HEATR1: variants seen among roughly 807,000 people sequenced by gnomAD.
HEATR1 encodes HEAT repeat-containing protein 1.
A neutral mutation model predicts 248.2 loss-of-function variants in HEATR1; 77 were observed. The ratio of observed to expected loss-of-function variants is 0.31; its 90% confidence interval spans 0.26 to 0.37. The LOEUF is 0.37. Among genes scored for constraint, HEATR1 ranks in the 10% least tolerant of loss-of-function variants. The pLI is 1.00. For synonymous variants in HEATR1, 897 were observed against 923.1 expected (o/e 0.97, Z 0.51); for missense variants, 2,420 against 2,504.9 (o/e 0.97, Z 0.72).
rs1440971975 is a variant in HEATR1 at position 236,587,449 on chromosome 1, A to T, written c.1668T>A (p.Asn556Lys). Residue 556 changes from asparagine (N) to lysine (K), a missense_variant, in exon 14 of 45, where the codon AAT becomes AAA. Physicochemically the swap from Asn to Lys is moderately conservative, Grantham distance 94. Coordinates refer to ENST00000366582, the MANE Select transcript of HEATR1 (RefSeq NM_018072.6). The part of the protein sequence containing the change: ...EHFSSEVTIS[N>K]LLNLFQRAEL... ...CTGCTCTTTGAAAGAGATTCAGAAG[A>T]TTTGAAATCGTCACTTCTGAACTGA... 2 of 1,541,760 alleles carry T rather than the reference A, an allele frequency of 1.3e-6. No homozygotes were observed. Among genetic ancestry groups the T allele is most frequent in the Non-Finnish European group, 1.8e-6 (2 of 1,138,670 alleles).
At chr1:236,563,611 C>T (rs1371735913) in intron 32 of HEATR1, among the ~76,000 whole-genome samples, 1 of 152,186 alleles carries the variant, frequency 6.6e-6, no homozygotes, top group Non-Finnish European at 1.5e-5. Flanking sequence ...TGAATTATTT[C>T]ACTGTGAAAT....
chr1:236,603,885 A>T (rs1374285296), intron 2 of HEATR1, 69 bp downstream of exon 2: 1 of 1,539,160 alleles, frequency 6.5e-7, no homozygotes, highest in African/African-American at 1.4e-5. Flanking sequence ...ACAAGGGGAA[A>T]AAAAAAAAAC....
rs71178327 is a variant in HEATR1, at chr1:236,580,824, A to ATTTTTTTTTTTTTTTT, written c.2755+397_2755+398insAAAAAAAAAAAAAAAA. Among the ~76,000 whole-genome samples the ATTTTTTTTTTTTTTTT allele has an allele frequency of 7.1e-5, 9 of 126,648 alleles. 1 individual carries two copies. Among genetic ancestry groups the ATTTTTTTTTTTTTTTT allele is most frequent in the Non-Finnish European group, 9.6e-5 (6 of 62,786 alleles). The allele number at this position is 126,648 out of a possible 152,430, so 83.1% of individuals were successfully genotyped here. A position where few individuals can be genotyped will look rare whatever the true frequency, so the allele number is the denominator to read the frequency against. ...AAGCCACCTCGCCTGGCCTTTATCG[A>ATTTTTTTTTTTTTTTT]TTTTTTTTTTTTTTGAGATGGAGTC... On this transcript the variant is annotated intron_variant, in intron 20 of 44. Coordinates refer to ENST00000366582, the MANE Select transcript of HEATR1 (RefSeq NM_018072.6).
In HEATR1 at chr1:236,602,947, C is replaced by T. The variant is rs549229238; in HGVS notation, c.359+213G>A. On this transcript the variant is annotated intron_variant, in intron 3 of 44. Transcript: ENST00000366582. ...CAAAAAAAAACTAATGAGGTTAGAC[C>T]ATTTACTCAAAATCACCAGTAGTTC... The T allele has an allele frequency of 8.3e-5, 46 of 553,768 alleles. No homozygotes were observed. In the South Asian group the frequency reaches 9.5e-4, roughly 11 times the overall value. 34.3% of individuals were successfully genotyped at this position (553,768 alleles called of 1,614,324 possible).
At chr1:236,597,409 T>C (rs1664205909) in intron 5 of HEATR1, among the ~76,000 whole-genome samples, 1 of 151,972 alleles carries the variant, frequency 6.6e-6, no homozygotes, top group South Asian at 2.1e-4. Context: ...TGCCCCACCA[T>C]GCCCAGTTTA....
intron 4 of HEATR1, among the ~76,000 whole-genome samples, chr1:236,598,194 A>G (rs1398033589): frequency 6.6e-6 from 1 of 152,232 alleles, no homozygotes; most frequent in African/African-American, 2.4e-5. Context: ...AGAGGTATTT[A>G]GTGAAAGATG....
chr1:236,553,215 T>C (rs1662832738), intron 43 of HEATR1, among the ~76,000 whole-genome samples: 1 of 152,210 alleles, frequency 6.6e-6, no homozygotes, highest in African/African-American at 2.4e-5. Flanking sequence ...ATAGTGTGGA[T>C]AAATTCAATG....
chr1:236,555,458 C>T lies in HEATR1; in HGVS notation c.5761G>A (p.Asp1921Asn), dbSNP rs766238122. Residue 1921 changes from aspartate (D) to asparagine (N), a missense_variant, in exon 41 of 45, where the codon GAT becomes AAT. Coordinates refer to ENST00000366582, the MANE Select transcript of HEATR1 (RefSeq NM_018072.6). ...GGGGCATCTTCTGTTTTAGCCCAAT[C>T]AAACAGCTGAAAGGATAAGACAGTA... is the stretch of plus-strand genomic sequence containing the variant. ...TFRPLFFKLFDWAKTEDAPKD... is the reference protein window; with the variant it reads ...TFRPLFFKLFNWAKTEDAPKD... The T allele has an allele frequency of 5.0e-6, 8 of 1,614,218 alleles. No individual in the cohort carries two copies. The highest frequency in any genetic ancestry group is 1.7e-6 in the Non-Finnish European group (2 of 1,180,032).
At chr1:236,560,605 A>T (rs1663107012) in intron 33 of HEATR1, among the ~76,000 whole-genome samples, 2 of 152,234 alleles carry the variant, frequency 1.3e-5, no homozygotes, top group African/African-American at 4.8e-5. Flanking sequence ...GCTGCAGGGC[A>T]GGCACTTTCC....
chr1:236,595,751 C>G, intron 7 of HEATR1, 78 bp from the exon 8 acceptor site: 1 of 1,500,974 alleles, frequency 6.7e-7, no homozygotes, highest in Non-Finnish European at 9.2e-7. Context: ...AATATATAAT[C>G]ACTTATCTTA....
chr1:236,555,848 G>A lies in HEATR1; in HGVS notation c.5606C>T (p.Ala1869Val), dbSNP rs1460619830. 1.9e-6 allele frequency: 3 copies of A among 1,614,016 alleles called. No homozygotes were observed. In the African/African-American group the frequency reaches 4.0e-5, roughly 22 times the overall value. ...GAAGTCCAGGGCTTCCAGGAAAAAG[G>A]CGGTTAGCTGAGACTGATGGGAGGT... ...ELTSHQSQLT[A>V]FFLEALDFRA... Residue 1869 changes from alanine (A) to valine (V), a missense_variant, in exon 39 of 45, where the codon GCC becomes GTC. Coordinates refer to ENST00000366582, the MANE Select transcript of HEATR1 (RefSeq NM_018072.6).
chr1:236,569,049 T>C lies in HEATR1; in HGVS notation c.4024A>G (p.Ser1342Gly), dbSNP rs774191479. The change falls in exon 29 of 45, where the codon AGT becomes GGT. Residue 1342 changes from serine to glycine, a missense_variant. Ser to Gly is a moderately conservative substitution (Grantham distance 56). Coordinates refer to ENST00000366582, the MANE Select transcript of HEATR1 (RefSeq NM_018072.6). ...ACTGTCTTGTTAATAACTTGAAAAC[T>C]GTAAGTATCATCTAGGCGCATGACA... ...ANVMRLDDTYSFQVINKTVKM... is the reference protein window; with the variant it reads ...ANVMRLDDTYGFQVINKTVKM... 24 of 1,610,522 alleles carry C rather than the reference T, an allele frequency of 1.5e-5. No individual in the cohort carries two copies. Among genetic ancestry groups the C allele is most frequent in the Middle Eastern group, 3.3e-4 (2 of 6,076 alleles).
At chr1:236,569,193 T>TAGCG (rs1663356294) in intron 28 of HEATR1, 69 bp from the exon 29 acceptor site, 1 of 1,292,610 alleles carries the variant, frequency 7.7e-7, no homozygotes. Context: ...TTTCAAGAGA[T>TAGCG]AGCGTCTCGC....
chr1:236,586,313 T>C lies in HEATR1; in HGVS notation c.1855A>G (p.Met619Val). ...TTTGATAAATATATAGCAATTTTCA[T>C]CTCAGCAGATTCCGTATCATCATTA... The part of the protein sequence containing the change: ...INNDDTESAE[M>V]KIAIYLSKSG... The change falls in exon 15 of 45, where the codon ATG becomes GTG. Residue 619 changes from methionine (M) to valine (V), a missense_variant. By Grantham distance (21) the Met-to-Val change is conservative (BLOSUM62 1). Coordinates refer to ENST00000366582, the MANE Select transcript of HEATR1 (RefSeq NM_018072.6). 1 of 1,613,610 alleles carries C rather than the reference T, an allele frequency of 6.2e-7. No individual in the cohort carries two copies.
At chr1:236,575,645 A>G (rs1459479792) in intron 22 of HEATR1, among the ~76,000 whole-genome samples, 1 of 152,214 alleles carries the variant, frequency 6.6e-6, no homozygotes, top group Non-Finnish European at 1.5e-5. Context: ...TAGTTCTCTA[A>G]GCCCACAGTC....
At chr1:236,562,234 G>A (rs1422749604) in intron 32 of HEATR1, among the ~76,000 whole-genome samples, 1 of 152,200 alleles carries the variant, frequency 6.6e-6, no homozygotes, top group African/African-American at 2.4e-5. Context: ...TGTTCTAATG[G>A]AAACTGAGGC....
chr1:236,565,348 C>T (rs778898815), intron 31 of HEATR1, among the ~76,000 whole-genome samples: 5 of 152,082 alleles, frequency 3.3e-5, no homozygotes, highest in East Asian at 1.9e-4. Flanking sequence ...TTAGAGATGG[C>T]GTCTTACTAT....
chr1:236,558,612 G>T, intron 35 of HEATR1, 83 bp from the exon 36 acceptor site: 1 of 1,373,954 alleles, frequency 7.3e-7, no homozygotes, highest in Non-Finnish European at 1.0e-6. Context: ...GCTTGAGATT[G>T]TCTAAATGGA....
chr1:236,550,991 C>CT lies in HEATR1; in HGVS notation c.6347-2dup. The CT allele has an allele frequency of 2.1e-6, 2 of 953,680 alleles. No homozygotes were observed. Among genetic ancestry groups the CT allele is most frequent in the Non-Finnish European group, 2.9e-6 (2 of 679,780 alleles). The allele number at this position is 953,680 out of a possible 1,614,324, so 59.1% of individuals were successfully genotyped here. A position where few individuals can be genotyped will look rare whatever the true frequency, so the allele number is the denominator to read the frequency against. ...TGATGTTCTACTTCTTCACATTCAT[C>CT]TAAAAAAAAAAAAAAAAAATCAAAA... On this transcript the variant is annotated splice_acceptor_variant, in intron 44 of 44. Transcript: ENST00000366582. LOFTEE classifies it high-confidence loss of function.
Sources: allele counts gnomAD v4.1 joint callset (sites outside exome capture counted in the v4.1 genomes callset), GRCh38; gene constraint gnomAD v4.1.1; transcripts MANE v1.5; gene names NCBI Gene and HGNC (gene_info 2026-07-23, HGNC 2026-07-21).